Variants in RBFOX1 observed in about 807,000 individuals in gnomAD.
RBFOX1 encodes the protein RNA binding protein fox-1 homolog 1.
In RBFOX1, 8 loss-of-function variants were observed where a neutral mutation model predicts 57.7. The ratio of observed to expected loss-of-function variants is 0.14; its 90% CI spans 0.08 to 0.25. RBFOX1 has a LOEUF of 0.25. Ranked by LOEUF, RBFOX1 falls within the 10% of genes least tolerant of loss-of-function variation. RBFOX1 has a pLI of 1.00. For synonymous variants in RBFOX1, 326 were observed against 222.4 expected, an observed-to-expected ratio of 1.47 and a Z score of -4.15; for missense variants, 611 against 548.5, an observed-to-expected ratio of 1.11 and a Z score of -1.14.
chr16:7,641,460 G>A (rs1369505038), intron 11 of RBFOX1, among the ~76,000 whole-genome samples: 1 of 152,188 alleles, frequency 6.6e-6, no homozygotes, highest in African/African-American at 2.4e-5. Context: ...TTAAGAAAAT[G>A]CAGTTTCAGA....
Position 5,388,296 on chromosome 16 carries a change from G to A in RBFOX1, c.220-78920G>A, listed in dbSNP as rs547508413. Among the ~76,000 whole-genome samples the A allele has an allele frequency of 2.6e-5, 4 of 152,198 alleles. No individual in the cohort carries two copies. The South Asian group carries it at 8.3e-4, about 32-fold the overall frequency. On this transcript the variant is annotated intron_variant, in intron 1 of 2. Transcript: ENST00000585867. ...TAGCACATCCCTTGGTTGGGTTGGG[G>A]GCTTCTTTGTAGTGGGAGGCTTCGG... is the stretch of plus-strand genomic sequence containing the variant.
intron 2 of RBFOX1, among the ~76,000 whole-genome samples, chr16:6,578,304 C>T (rs1337234819): frequency 6.6e-6 from 1 of 152,096 alleles, no homozygotes; most frequent in East Asian, 1.9e-4. Flanking sequence ...CATCATGTAA[C>T]AGGCTGAGAA....
At chr16:6,727,055 A>ACACACACACC (rs1375189450) in intron 3 of RBFOX1, among the ~76,000 whole-genome samples, 1 of 135,600 alleles carries the variant, frequency 7.4e-6, no homozygotes, top group Admixed American at 7.8e-5. Context: ...GACTGAACAC[A>ACACACACACC]CACACACACA....
chr16:6,109,720 A>G (rs1425176936), intron 1 of RBFOX1, among the ~76,000 whole-genome samples: 1 of 152,212 alleles, frequency 6.6e-6, no homozygotes, highest in Non-Finnish European at 1.5e-5. Flanking sequence ...TGGGGATAGT[A>G]GAATATTTTA....
chr16:6,361,893 G>C (rs2534753), intron 2 of RBFOX1, among the ~76,000 whole-genome samples: 101,730 of 151,948 alleles, frequency 0.67, 34,292 homozygotes, highest in East Asian at 0.85. Flanking sequence ...TATTGATCCA[G>C]CCGTTTTTGT....
At chr16:5,269,304 ATTTCATTGAGCATCT>A (rs1486352797) in intron 1 of RBFOX1, among the ~76,000 whole-genome samples, 2 of 152,212 alleles carry the variant, frequency 1.3e-5, no homozygotes, top group African/African-American at 4.8e-5. Context: ...CTGATGATGA[ATTTCATTGAGCATCT>A]TTTCATGTGC....
rs894820127 is a variant in RBFOX1 at position 6,508,380 on chromosome 16, A to T, written c.-63-146223A>T. Reference sequence around the variant, plus strand: ...ACATAAAACTTAAAACAAAAATATAATGTAAGTAGACTTAACACTCCTGAA... The same window carrying T: ...ACATAAAACTTAAAACAAAAATATATTGTAAGTAGACTTAACACTCCTGAA... On this transcript the variant is annotated intron_variant, in intron 2 of 15. Transcript: ENST00000550418. Among the ~76,000 whole-genome samples the T allele has an allele frequency of 7.3e-4, 111 of 152,280 alleles. 1 individual carries two copies. Among genetic ancestry groups the T allele is most frequent in the African/African-American group, 2.6e-3 (107 of 41,566 alleles).
intron 2 of RBFOX1, among the ~76,000 whole-genome samples, chr16:6,619,237 A>G (rs1238974206): frequency 6.6e-6 from 1 of 152,020 alleles, no homozygotes; most frequent in Non-Finnish European, 1.5e-5. Context: ...CAGCTGGGCT[A>G]ACACTGTTGT....
chr16:6,609,199 A>G (rs1229797707), intron 2 of RBFOX1, among the ~76,000 whole-genome samples: 1 of 152,156 alleles, frequency 6.6e-6, no homozygotes, highest in African/African-American at 2.4e-5. Flanking sequence ...AGGGGCCACA[A>G]TTCTGCCTTC....
chr16:5,814,772 C>T (rs531386703), intron 3 of RBFOX1, among the ~76,000 whole-genome samples: 38 of 151,986 alleles, frequency 2.5e-4, no homozygotes, highest in African/African-American at 9.2e-4. Context: ...ACTAAAAATA[C>T]AAAAAAATTA....
chr16:6,114,622 T>C (rs1048271274), intron 1 of RBFOX1, among the ~76,000 whole-genome samples: 8 of 152,184 alleles, frequency 5.3e-5, no homozygotes, highest in Admixed American at 4.6e-4. Context: ...GTCTTTCTGA[T>C]ACTGTTTTTA....
At chr16:6,563,662 G>C (rs1003075468) in intron 2 of RBFOX1, among the ~76,000 whole-genome samples, 4 of 152,028 alleles carry the variant, frequency 2.6e-5, no homozygotes, top group Admixed American at 2.0e-4. Context: ...TCAGCAACGT[G>C]GCAAAAGCTC....
chr16:7,162,237 G>C (rs2078476663), intron 4 of RBFOX1, among the ~76,000 whole-genome samples: 2 of 151,998 alleles, frequency 1.3e-5, no homozygotes, highest in Admixed American at 1.3e-4. Flanking sequence ...CAATTTATCT[G>C]TCCACTCATC....
chr16:6,030,205 C>T (rs1051471417), intron 1 of RBFOX1, among the ~76,000 whole-genome samples: 7 of 152,216 alleles, frequency 4.6e-5, no homozygotes, highest in African/African-American at 1.4e-4. Context: ...AGGCATGAGC[C>T]ACTATGCCCA....
At chr16:5,569,967 C>T (rs146726838) in intron 2 of RBFOX1, among the ~76,000 whole-genome samples, 7 of 152,126 alleles carry the variant, frequency 4.6e-5, no homozygotes, top group East Asian at 1.9e-4. Flanking sequence ...GATGGGAACT[C>T]GGCATCTAAC....
chr16:6,754,533 C>T (rs1014953264), intron 3 of RBFOX1, among the ~76,000 whole-genome samples: 1 of 152,134 alleles, frequency 6.6e-6, no homozygotes, highest in African/African-American at 2.4e-5. Flanking sequence ...CTGCTCCCTC[C>T]TCTGCACTAA....
chr16:6,398,765 T>C (rs2092944593), intron 2 of RBFOX1, among the ~76,000 whole-genome samples: 1 of 152,226 alleles, frequency 6.6e-6, no homozygotes, highest in African/African-American at 2.4e-5. Flanking sequence ...ATTGAGTGTC[T>C]GCAGCTTTTC....
intron 4 of RBFOX1, among the ~76,000 whole-genome samples, chr16:5,992,976 A>G (rs1428704752): frequency 3.9e-5 from 6 of 152,194 alleles, no homozygotes; most frequent in Non-Finnish European, 8.8e-5. Flanking sequence ...AGTGGCAGAC[A>G]TCTGCCGACT....
At chr16:5,457,723 G>T (rs994244694) in intron 1 of RBFOX1, among the ~76,000 whole-genome samples, 3 of 152,188 alleles carry the variant, frequency 2.0e-5, no homozygotes, top group Non-Finnish European at 4.4e-5. Context: ...ACTGGGTTAG[G>T]TGCCCTGCTG....
Sources: gnomAD v4.1 joint callset for allele counts (sites outside exome capture counted in the v4.1 genomes callset) on GRCh38, gnomAD v4.1.1 for gene constraint, MANE v1.5 for transcripts, NCBI Gene and HGNC (gene_info 2026-07-23, HGNC 2026-07-21) for gene names.